Variants in SFXN5 observed in about 807,000 individuals in gnomAD.
SFXN5 encodes sideroflexin-5.
In SFXN5, 43 loss-of-function variants were observed where a neutral mutation model predicts 50.2. That is an observed-to-expected ratio of 0.86 (90% CI 0.67 to 1.11). The LOEUF (loss-of-function observed/expected upper bound fraction) is 1.11. Ranked by LOEUF, SFXN5 falls within the 50% of genes least tolerant of loss-of-function variation. The probability of loss-of-function intolerance (pLI) is 0.00; values close to 1 mark genes in which losing one functional copy is unlikely to be tolerated. For synonymous variants in SFXN5, 203 were observed against 185.8 expected, an observed-to-expected ratio of 1.09 and a Z score of -0.75; for missense variants, 463 against 454.1, an observed-to-expected ratio of 1.02 and a Z score of -0.18.
chr2:73,054,489 G>T (rs923454254), intron 2 of SFXN5, among the ~76,000 whole-genome samples: 6 of 152,142 alleles, frequency 3.9e-5, no homozygotes, highest in African/African-American at 1.4e-4. Flanking sequence ...TGTGGTACAA[G>T]GAGGAGAGTA....
chr2:73,016,619 C>T (rs1171770219), intron 6 of SFXN5, among the ~76,000 whole-genome samples: 1 of 152,138 alleles, frequency 6.6e-6, no homozygotes, highest in South Asian at 2.1e-4. Context: ...GCAGGAGAAT[C>T]GCTTGAACCT....
chr2:72,993,798 C>T (rs1406382497), intron 9 of SFXN5, among the ~76,000 whole-genome samples: 2 of 152,186 alleles, frequency 1.3e-5, no homozygotes, highest in African/African-American at 4.8e-5. Flanking sequence ...CTGAGGTACA[C>T]CCTCCACCAC....
At position 72,945,130 on chromosome 2, in the gene SFXN5, G is replaced by A. The variant is rs556850940; in HGVS notation, c.946-31C>T. On this transcript the variant is annotated intron_variant, in intron 13 of 13. Transcript: ENST00000272433. The surrounding 1 kb of genome is among the most constrained non-coding windows in gnomAD (Gnocchi z 5.8). ...GAGAGAGAACAGAGAGGAAAAGTGG[G>A]GGAGTGGGAAGGGGCAAATAGTGGG... is the stretch of plus-strand genomic sequence containing the variant. The A allele has an allele frequency of 6.6e-5, 106 of 1,604,216 alleles. 2 individuals are homozygous for A. The South Asian group carries it at 7.0e-4, about 11-fold the overall frequency.
At chr2:73,054,551 C>A (rs192319785) in intron 2 of SFXN5, among the ~76,000 whole-genome samples, 1 of 152,014 alleles carries the variant, frequency 6.6e-6, no homozygotes, top group Admixed American at 6.5e-5. Flanking sequence ...GAAAAGGGAG[C>A]GGGGACCCTC....
intron 1 of SFXN5, among the ~76,000 whole-genome samples, chr2:73,066,904 G>A (rs1326695997): frequency 3.3e-5 from 5 of 152,054 alleles, no homozygotes; most frequent in African/African-American, 7.2e-5. Context: ...ATATAGCCAC[G>A]CATGGTGGCA....
At chr2:73,040,766 A>T (rs1187795527) in intron 3 of SFXN5, 88 bp downstream of exon 3, 1 of 1,059,892 alleles carries the variant, frequency 9.4e-7, no homozygotes. Flanking sequence ...GGACGAAAGA[A>T]GTGGTTCTGG....
At chr2:72,955,267 GGCTC>G (rs58153291) in intron 13 of SFXN5, among the ~76,000 whole-genome samples, 29,563 of 151,992 alleles carry the variant, frequency 0.19, 8,522 homozygotes, top group African/African-American at 0.64. Context: ...CACCACGGCT[GGCTC>G]GCTCGCCCGC....
At chr2:73,013,022 T>C (rs1471351153) in intron 6 of SFXN5, among the ~76,000 whole-genome samples, 1 of 150,778 alleles carries the variant, frequency 6.6e-6, no homozygotes, top group Non-Finnish European at 1.5e-5. Flanking sequence ...ACTTATCCTC[T>C]AGTATAAATC....
intron 13 of SFXN5, chr2:72,957,150 C>T (rs1283503978): frequency 2.2e-6 from 1 of 448,140 alleles, no homozygotes; most frequent in East Asian, 7.0e-5. Flanking sequence ...CCCCCCCATA[C>T]ACTGAAGGTT....
chr2:72,989,821 CCAGA>C (rs1009485566), intron 9 of SFXN5, among the ~76,000 whole-genome samples: 1 of 152,200 alleles, frequency 6.6e-6, no homozygotes, highest in Non-Finnish European at 1.5e-5. Flanking sequence ...CTCTGCTTCC[CCAGA>C]CAGAGGCCAA....
intron 9 of SFXN5, chr2:72,996,502 GTTTT>G (rs1673253558): frequency 8.8e-6 from 1 of 113,552 alleles, no homozygotes. Flanking sequence ...AAAAAGCTGA[GTTTT>G]GTTTTTTTTT....
At chr2:72,991,059 TGAGCAGA>T (rs1366722903) in intron 9 of SFXN5, among the ~76,000 whole-genome samples, 1 of 152,074 alleles carries the variant, frequency 6.6e-6, no homozygotes, top group Non-Finnish European at 1.5e-5. Flanking sequence ...TTCACGGAAG[TGAGCAGA>T]GAGGCTGGGA....
intron 13 of SFXN5, among the ~76,000 whole-genome samples, chr2:72,955,005 T>C (rs1479568716): frequency 6.6e-6 from 1 of 152,092 alleles, no homozygotes; most frequent in East Asian, 1.9e-4. Flanking sequence ...AGAGTTGAGG[T>C]AGAGGGATGC....
chr2:73,059,725 C>T, intron 1 of SFXN5: 11 of 968,352 alleles, frequency 1.1e-5, no homozygotes, highest in Non-Finnish European at 1.2e-5. Flanking sequence ...ACAGAAACAG[C>T]TGCCTCTCTA....
At chr2:72,974,691 T>C (rs1488674354) in intron 10 of SFXN5, among the ~76,000 whole-genome samples, 1 of 152,204 alleles carries the variant, frequency 6.6e-6, no homozygotes, top group African/African-American at 2.4e-5. Flanking sequence ...GCAGTGGGAA[T>C]GCCAGCCTGT....
intron 6 of SFXN5, among the ~76,000 whole-genome samples, chr2:73,016,636 C>T (rs1481508778): frequency 2.0e-5 from 3 of 152,060 alleles, no homozygotes; most frequent in Non-Finnish European, 2.9e-5. Flanking sequence ...ACCTGGCATC[C>T]GAGGCTGCAG....
rs1671799381 is a variant in SFXN5, at chr2:72,945,186, C to T, written c.946-87G>A. ...GAGCTGCAGTGAGGACCACCCTGGGCCCCAGAGCTCTGCCCCCTGCACCCC... is the reference window on the plus strand; with the variant it reads ...GAGCTGCAGTGAGGACCACCCTGGGTCCCAGAGCTCTGCCCCCTGCACCCC... On this transcript the variant is annotated intron_variant, in intron 13 of 13. Transcript: ENST00000272433. The surrounding 1 kb of genome is among the most constrained non-coding windows in gnomAD (Gnocchi z 5.8). 4.7e-6 allele frequency: 6 copies of T among 1,275,092 alleles called. No homozygotes were observed. The highest frequency in any genetic ancestry group is 1.9e-4 in the Middle Eastern group (1 of 5,356). 79.0% of individuals were successfully genotyped at this position (1,275,092 alleles called of 1,614,324 possible). A position where few individuals can be genotyped will look rare whatever the true frequency, so the allele number is the denominator to read the frequency against.
At chr2:73,004,635 A>G (rs909893893) in intron 6 of SFXN5, among the ~76,000 whole-genome samples, 7 of 151,968 alleles carry the variant, frequency 4.6e-5, no homozygotes, top group African/African-American at 1.7e-4. Flanking sequence ...GGTCTGGGAG[A>G]CCAGAGGGAG....
At chr2:73,070,029 G>A (rs918173397) in intron 1 of SFXN5, among the ~76,000 whole-genome samples, 1 of 152,208 alleles carries the variant, frequency 6.6e-6, no homozygotes, top group Non-Finnish European at 1.5e-5. Context: ...ATGAGGATCT[G>A]ACTCAGGTGG....
Sources: allele counts gnomAD v4.1 joint callset (sites outside exome capture counted in the v4.1 genomes callset), GRCh38; gene constraint gnomAD v4.1.1; non-coding constraint Gnocchi (gnomAD v3.1); transcripts MANE v1.5; gene names NCBI Gene and HGNC (gene_info 2026-07-23, HGNC 2026-07-21).